RIN3: variants seen among roughly 807,000 people sequenced by gnomAD.
The protein encoded by RIN3 is Ras and Rab interactor 3.
RIN3 carries 54 observed loss-of-function variants against 76.3 expected under a neutral mutation model. That is an observed-to-expected ratio of 0.71 (90% CI 0.57 to 0.89). The LOEUF is 0.89. Ranked by LOEUF, RIN3 falls within the 40% of genes least tolerant of loss-of-function variation. RIN3 has a pLI of 0.00. For synonymous variants in RIN3, 576 were observed against 564.0 expected, an observed-to-expected ratio of 1.02 and a Z score of -0.30; for missense variants, 1,256 against 1,322.1, an observed-to-expected ratio of 0.95 and a Z score of 0.78.
In RIN3 at chr14:92,513,992, C is replaced by T. The variant is rs558651355; in HGVS notation, c.44+16C>T. Reference sequence around the variant, plus strand: ...ACCCCACGGGGTAAGTCCGGGCGGCCGCCCCCTCCTCCCTCGCGATCCCCA... The same window carrying T: ...ACCCCACGGGGTAAGTCCGGGCGGCTGCCCCCTCCTCCCTCGCGATCCCCA... On this transcript the variant is annotated intron_variant, in intron 1 of 9. Coordinates refer to ENST00000216487, the MANE Select transcript of RIN3 (RefSeq NM_024832.5). 4 of 1,234,614 alleles carry T rather than the reference C, an allele frequency of 3.2e-6. No homozygotes were observed. In the East Asian group the frequency reaches 9.5e-5, roughly 29 times the overall value. 76.5% of individuals were successfully genotyped at this position (1,234,614 alleles called of 1,614,324 possible). A position where few individuals can be genotyped will look rare whatever the true frequency, so the allele number is the denominator to read the frequency against.
At chr14:92,675,977 CA>C (rs1336816508) in intron 7 of RIN3, among the ~76,000 whole-genome samples, 2 of 152,030 alleles carry the variant, frequency 1.3e-5, no homozygotes, top group Admixed American at 1.3e-4. Flanking sequence ...TAGGAAAGGG[CA>C]CTGTTTACGC....
At chr14:92,543,102 G>A (rs1271634538) in intron 1 of RIN3, among the ~76,000 whole-genome samples, 1 of 152,204 alleles carries the variant, frequency 6.6e-6, no homozygotes, top group East Asian at 1.9e-4. Flanking sequence ...ACCCTATCTG[G>A]AAATTCTTGG....
chr14:92,524,935 C>G (rs1052945790), intron 1 of RIN3, among the ~76,000 whole-genome samples: 2 of 152,238 alleles, frequency 1.3e-5, no homozygotes, highest in African/African-American at 4.8e-5. Flanking sequence ...AGGGGCTGAG[C>G]TCTTTCCTGC....
chr14:92,650,379 G>T (rs1887369232), intron 5 of RIN3, among the ~76,000 whole-genome samples: 2 of 152,226 alleles, frequency 1.3e-5, no homozygotes, highest in Non-Finnish European at 2.9e-5. Context: ...ATGATCAGGG[G>T]TCGGCAAGAT....
intron 1 of RIN3, among the ~76,000 whole-genome samples, chr14:92,553,025 G>GT (rs1292186976): frequency 1.8e-5 from 1 of 56,498 alleles, no homozygotes; most frequent in Non-Finnish European, 3.3e-5. Flanking sequence ...GGTTCTGCAG[G>GT]TAAAAAAAAA....
Position 92,652,783 on chromosome 14 carries a change from T to G in RIN3, c.1734T>G (p.Ala578=). The change falls in exon 6 of 10, where the codon GCT becomes GCG. Residue 578 remains alanine, a synonymous_variant. Coordinates refer to ENST00000216487, the MANE Select transcript of RIN3 (RefSeq NM_024832.5). The surrounding 1 kb of genome is among the most constrained non-coding windows in gnomAD (Gnocchi z 6.4). ...KKKPSMILGK[A]RHRLSFASFS... is the part of the protein sequence containing the mutation. ...AGCCCTCCATGATCCTGGGCAAGGC[T>G]CGGCACCGGCTGAGCTTTGCCAGTT... 1.2e-6 allele frequency: 2 copies of G among 1,613,968 alleles called. No homozygotes were observed. The highest frequency in any genetic ancestry group is 1.7e-6 in the Non-Finnish European group (2 of 1,180,030).
rs117568206 is a variant in RIN3, at chr14:92,606,752, A to G, written c.368-8655A>G. Among the ~76,000 whole-genome samples the G allele has an allele frequency of 3.5e-3, 531 of 152,334 alleles. 2 individuals are homozygous for G. The highest frequency in any genetic ancestry group is 5.3e-3 in the Non-Finnish European group (360 of 68,030). On this transcript the variant is annotated intron_variant, in intron 3 of 9. Transcript: ENST00000216487. ...GGTGACTATCATAAAAAAGATGGAC[A>G]ATAACAAGTGTTGACAAGGGCATGG...
intron 4 of RIN3, among the ~76,000 whole-genome samples, chr14:92,620,928 C>T (rs1348686415): frequency 6.6e-6 from 1 of 152,182 alleles, no homozygotes; most frequent in Non-Finnish European, 1.5e-5. Flanking sequence ...TAGTGTGAAG[C>T]AATGCAAGCA....
chr14:92,534,586 T>C (rs1381557512), intron 1 of RIN3, among the ~76,000 whole-genome samples: 4 of 86,122 alleles, frequency 4.6e-5, no homozygotes, highest in African/African-American at 1.7e-4. Context: ...AGACTCCATC[T>C]CAAAAAAAAA....
Position 92,513,802 on chromosome 14 carries a change from A to T in RIN3, c.-131A>T. The T allele has an allele frequency of 2.1e-6, 1 of 485,166 alleles. No individual in the cohort carries two copies. The highest frequency in any genetic ancestry group is 9.9e-5 in the South Asian group (1 of 10,080). The allele number at this position is 485,166 out of a possible 1,614,324, so 30.1% of individuals were successfully genotyped here. The stretch of plus-strand genomic sequence containing the variant: ...AAGTAGAAGGGAGCGAGAGCCCCAG[A>T]GCGCGGCGGCAGCGGCGGCCTGGCC... On this transcript the variant is annotated 5_prime_UTR_variant, in exon 1 of 10. Transcript: ENST00000216487.
chr14:92,684,893 G>C, intron 8 of RIN3, 94 bp from the exon 9 acceptor site: 1 of 1,332,202 alleles, frequency 7.5e-7, no homozygotes, highest in Middle Eastern at 2.4e-4. Context: ...GGTGGTGGGC[G>C]GGGCTTGGAG....
chr14:92,680,479 T>G (rs1888624499), intron 8 of RIN3, among the ~76,000 whole-genome samples: 1 of 152,132 alleles, frequency 6.6e-6, no homozygotes, highest in African/African-American at 2.4e-5. Flanking sequence ...GGATTACAGG[T>G]GTGAGCCACC....
chr14:92,681,296 T>C lies in RIN3; in HGVS notation c.2468-3691T>C, dbSNP rs1888652735. Among the ~76,000 whole-genome samples the C allele has an allele frequency of 6.6e-6, 1 of 151,602 alleles. No homozygotes were observed. Among genetic ancestry groups the C allele is most frequent in the African/African-American group, 2.4e-5 (1 of 41,234 alleles). On this transcript the variant is annotated intron_variant, in intron 8 of 9. Coordinates refer to ENST00000216487, the MANE Select transcript of RIN3 (RefSeq NM_024832.5). The surrounding 1 kb of genome is among the most constrained non-coding windows in gnomAD (Gnocchi z 4.7). ...ATGGCCCCAAGTCAAAGAGGAAGGC[T>C]GGCAGAGAGAGAGGCCTCACGAAGA... is the stretch of plus-strand genomic sequence containing the variant.
chr14:92,636,258 GAGAA>G (rs1463268459), intron 4 of RIN3, among the ~76,000 whole-genome samples: 2 of 152,040 alleles, frequency 1.3e-5, no homozygotes, highest in Admixed American at 6.6e-5. Context: ...GAAAGAGAGA[GAGAA>G]AGAAAGAAAG....
At position 92,652,057 on chromosome 14, in the gene RIN3, G is replaced by T. The variant is rs534165246; in HGVS notation, c.1008G>T (p.Pro336=). The T allele has an allele frequency of 2.6e-6, 4 of 1,512,930 alleles. No individual in the cohort carries two copies. In the South Asian group the frequency reaches 3.4e-5, roughly 13 times the overall value. 93.7% of individuals were successfully genotyped at this position (1,512,930 alleles called of 1,614,324 possible). ...GTCCCCCAGACCATCCGAACCAGCC[G>T]CCCATGATGACCTGCGAGAGACTCC... ...APGPPDHPNQ[P]PMMTCERLPC... The change falls in exon 6 of 10, where the codon CCG becomes CCT. Residue 336 remains proline (P), a synonymous_variant. Coordinates refer to ENST00000216487, the MANE Select transcript of RIN3 (RefSeq NM_024832.5). The surrounding 1 kb of genome is among the most constrained non-coding windows in gnomAD (Gnocchi z 6.4).
At chr14:92,528,133 G>A (rs1413675248) in intron 1 of RIN3, among the ~76,000 whole-genome samples, 4 of 152,220 alleles carry the variant, frequency 2.6e-5, no homozygotes. Context: ...GGAAAGGTGG[G>A]CTCAGGGACA....
In RIN3 at chr14:92,681,230, G is replaced by A. The variant is rs1321579883; in HGVS notation, c.2468-3757G>A. Among the ~76,000 whole-genome samples the A allele has an allele frequency of 6.6e-6, 1 of 152,154 alleles. No individual in the cohort carries two copies. The highest frequency in any genetic ancestry group is 1.5e-5 in the Non-Finnish European group (1 of 68,038). ...GAGAAAAGCCTGCTCCAGAACTCAC[G>A]GTAGGGCCGCCTGCCACCTAGTGGC... On this transcript the variant is annotated intron_variant, in intron 8 of 9. Transcript: ENST00000216487. The surrounding 1 kb of genome is among the most constrained non-coding windows in gnomAD (Gnocchi z 4.7).
intron 5 of RIN3, among the ~76,000 whole-genome samples, chr14:92,645,907 G>A (rs1207980034): frequency 4.0e-5 from 6 of 151,432 alleles, no homozygotes; most frequent in Non-Finnish European, 8.8e-5. Context: ...AGCCAAGATC[G>A]TGCCATTGCA....
chr14:92,589,391 C>T (rs763469308), intron 3 of RIN3, among the ~76,000 whole-genome samples: 2 of 152,048 alleles, frequency 1.3e-5, no homozygotes, highest in Non-Finnish European at 2.9e-5. Flanking sequence ...AGCTTTATGT[C>T]GCATACAACA....
Sources: gnomAD v4.1 joint callset for allele counts (sites outside exome capture counted in the v4.1 genomes callset) on GRCh38, gnomAD v4.1.1 for gene constraint, Gnocchi (gnomAD v3.1) non-coding constraint, MANE v1.5 for transcripts, NCBI Gene and HGNC (gene_info 2026-07-23, HGNC 2026-07-21) for gene names.